The following RHOJ variants were observed in gnomAD, a reference collection of about 807,000 sequenced individuals.
RHOJ encodes the protein ras homolog family member J, also known as rho-related GTP-binding protein RhoJ.
In RHOJ, 11 loss-of-function variants were observed where a neutral mutation model predicts 23.4. The observed-to-expected ratio is 0.47, with a 90% CI of 0.30 to 0.78. The LOEUF (loss-of-function observed/expected upper bound fraction) is 0.78. RHOJ is among the 30% of genes least tolerant of loss of function. The probability of loss-of-function intolerance (pLI) is 0.08; values close to 1 mark genes in which losing one functional copy is unlikely to be tolerated. For synonymous variants in RHOJ, 102 were observed against 102.7 expected, an observed-to-expected ratio of 0.99 and a Z score of 0.04; for missense variants, 254 against 273.4, an observed-to-expected ratio of 0.93 and a Z score of 0.50.
chr14:63,277,530 C>A (rs1881758368), intron 2 of RHOJ, among the ~76,000 whole-genome samples: 1 of 152,262 alleles, frequency 6.6e-6, no homozygotes, highest in African/African-American at 2.4e-5. Flanking sequence ...TTTAAAAGCT[C>A]CCCAGGTGAT....
In RHOJ at chr14:63,204,983, G is replaced by A. The variant is rs759335991; in HGVS notation, c.114G>A (p.Leu38=). 2 of 1,614,238 alleles carry A rather than the reference G, an allele frequency of 1.2e-6. No individual in the cohort carries two copies. Among genetic ancestry groups the A allele is most frequent in the Non-Finnish European group, 1.7e-6 (2 of 1,180,038 alleles). Residue 38 remains leucine, a synonymous_variant, in exon 1 of 5, where the codon CTG becomes CTA. Transcript: ENST00000316754. The part of the protein sequence containing the change: ...GDGAVGKTCL[L]MSYANDAFPE... Reference sequence around the variant, plus strand: ...GTGCCGTGGGGAAAACCTGCCTGCTGATGAGCTACGCCAACGACGCCTTCC... The same window carrying A: ...GTGCCGTGGGGAAAACCTGCCTGCTAATGAGCTACGCCAACGACGCCTTCC...
chr14:63,225,878 T>G (rs879715363), intron 1 of RHOJ, among the ~76,000 whole-genome samples: 2 of 152,166 alleles, frequency 1.3e-5, no homozygotes, highest in Non-Finnish European at 2.9e-5. Context: ...ATCAGAAACC[T>G]TCAATAGACC....
At chr14:63,214,349 G>T (rs1337675282) in intron 1 of RHOJ, among the ~76,000 whole-genome samples, 2 of 152,206 alleles carry the variant, frequency 1.3e-5, no homozygotes, top group African/African-American at 2.4e-5. Context: ...TATAGTTTCA[G>T]CTAATGTGAC....
At chr14:63,229,075 G>T (rs1449937127) in intron 1 of RHOJ, among the ~76,000 whole-genome samples, 3 of 152,214 alleles carry the variant, frequency 2.0e-5, no homozygotes, top group African/African-American at 7.2e-5. Flanking sequence ...CTGGCATGGT[G>T]CCTGCTTCAT....
At chr14:63,208,410 C>T in intron 1 of RHOJ, among the ~76,000 whole-genome samples, 1 of 152,178 alleles carries the variant, frequency 6.6e-6, no homozygotes, top group African/African-American at 2.4e-5. Context: ...AATTTATATG[C>T]TTCCTTATTT....
chr14:63,277,954 A>G (rs11849661), intron 2 of RHOJ, among the ~76,000 whole-genome samples: 22,879 of 139,768 alleles, frequency 0.16, 3,256 homozygotes, highest in African/African-American at 0.42. Context: ...CCACTGCCTC[A>G]CCAGCTACAC....
At chr14:63,209,833 A>G (rs1470070526) in intron 1 of RHOJ, among the ~76,000 whole-genome samples, 1 of 152,152 alleles carries the variant, frequency 6.6e-6, no homozygotes, top group African/African-American at 2.4e-5. Context: ...CTGTTTAGGA[A>G]TGAACATACA....
At chr14:63,282,531 T>C (rs747296515) in intron 3 of RHOJ, among the ~76,000 whole-genome samples, 2 of 152,184 alleles carry the variant, frequency 1.3e-5, no homozygotes, top group Non-Finnish European at 2.9e-5. Flanking sequence ...AGTTCTACCT[T>C]TGAAAAGATG....
At chr14:63,222,189 G>A (rs181067751) in intron 1 of RHOJ, among the ~76,000 whole-genome samples, 3 of 152,146 alleles carry the variant, frequency 2.0e-5, no homozygotes, top group Middle Eastern at 6.8e-3. Context: ...ATTCCATGGT[G>A]TATATGTACC....
In RHOJ at chr14:63,206,652, A is replaced by G. The variant is rs973610667; in HGVS notation, c.178+1605A>G. Among the ~76,000 whole-genome samples the G allele has an allele frequency of 5.9e-5, 9 of 152,336 alleles. No homozygotes were observed. The East Asian group carries it at 1.7e-3, about 29-fold the overall frequency. On this transcript the variant is annotated intron_variant, in intron 1 of 4. Transcript: ENST00000316754. ...TTCAGGAAGCCAGTTACAGTATGGT[A>G]TCAGGAAAAAAGAGAATCAAGTCAG...
At chr14:63,225,839 G>A (rs1436196746) in intron 1 of RHOJ, among the ~76,000 whole-genome samples, 2 of 152,076 alleles carry the variant, frequency 1.3e-5, no homozygotes, top group African/African-American at 4.8e-5. Context: ...ATATAAAAGA[G>A]GTTCAGAAAA....
chr14:63,207,760 T>C (rs1310207022), intron 1 of RHOJ, among the ~76,000 whole-genome samples: 1 of 152,224 alleles, frequency 6.6e-6, no homozygotes, highest in East Asian at 1.9e-4. Context: ...TTGAGCAAGT[T>C]ACTTAACCTC....
chr14:63,262,203 G>A (rs963407068), intron 1 of RHOJ, among the ~76,000 whole-genome samples: 2 of 152,218 alleles, frequency 1.3e-5, no homozygotes, highest in African/African-American at 4.8e-5. Context: ...ATGGTTTACA[G>A]GGCATGAACG....
At chr14:63,251,001 C>CTG (rs1895060863) in intron 1 of RHOJ, among the ~76,000 whole-genome samples, 1 of 152,108 alleles carries the variant, frequency 6.6e-6, no homozygotes. Context: ...CACCATTGCA[C>CTG]TCCAGCCTGG....
chr14:63,282,055 T>G (rs1057495572), intron 3 of RHOJ, among the ~76,000 whole-genome samples: 3 of 152,164 alleles, frequency 2.0e-5, no homozygotes, highest in Non-Finnish European at 2.9e-5. Flanking sequence ...GGAATACACA[T>G]CTCCATAAAT....
At chr14:63,266,974 C>A (rs1267323795) in intron 1 of RHOJ, among the ~76,000 whole-genome samples, 1 of 152,184 alleles carries the variant, frequency 6.6e-6, no homozygotes, top group Non-Finnish European at 1.5e-5. Flanking sequence ...CCCCACACCC[C>A]TCACACTACC....
In RHOJ at chr14:63,269,201, C is replaced by T. The variant is rs769388345; in HGVS notation, c.237+33C>T. 30 of 1,530,736 alleles carry T rather than the reference C, an allele frequency of 2.0e-5. 1 individual carries two copies. Among genetic ancestry groups the T allele is most frequent in the Admixed American group, 1.3e-4 (8 of 59,842 alleles). The allele number at this position is 1,530,736 out of a possible 1,614,324, so 94.8% of individuals were successfully genotyped here. A position where few individuals can be genotyped will look rare whatever the true frequency, so the allele number is the denominator to read the frequency against. On this transcript the variant is annotated intron_variant, in intron 2 of 4. Transcript: ENST00000316754. ...TTTATTATCTTGATTCATTGGAGGGCGGTGGTGTAGGGGAGAAAAAGATCC... is the reference window on the plus strand; with the variant it reads ...TTTATTATCTTGATTCATTGGAGGGTGGTGGTGTAGGGGAGAAAAAGATCC...
chr14:63,244,190 A>G (rs140989930), intron 1 of RHOJ, among the ~76,000 whole-genome samples: 57 of 152,336 alleles, frequency 3.7e-4, no homozygotes, highest in African/African-American at 1.3e-3. Flanking sequence ...GGCAGTTGGC[A>G]TATTGCAAGA....
chr14:63,274,104 G>GAAGC (rs1316548333), intron 2 of RHOJ, among the ~76,000 whole-genome samples: 3 of 152,196 alleles, frequency 2.0e-5, no homozygotes, highest in African/African-American at 7.2e-5. Context: ...ACCAAGCAAG[G>GAAGC]AAGCAAGCAC....
Sources: allele counts gnomAD v4.1 joint callset (sites outside exome capture counted in the v4.1 genomes callset), GRCh38; gene constraint gnomAD v4.1.1; transcripts MANE v1.5; gene names NCBI Gene and HGNC (gene_info 2026-07-23, HGNC 2026-07-21).